AKAP12: variants seen among roughly 807,000 people sequenced by gnomAD.
The protein encoded by AKAP12 is A-kinase anchor protein 12.
In AKAP12, 32 loss-of-function variants were observed where a neutral mutation model predicts 79.9. The observed-to-expected ratio is 0.40, with a 90% CI of 0.30 to 0.54. AKAP12 has a LOEUF of 0.54. Among genes scored for constraint, AKAP12 ranks in the 20% least tolerant of loss-of-function variants. AKAP12 has a pLI of 0.48. For synonymous variants in AKAP12, 808 were observed against 857.0 expected, an observed-to-expected ratio of 0.94 and a Z score of 1.00; for missense variants, 2,074 against 2,177.0, an observed-to-expected ratio of 0.95 and a Z score of 0.94.
rs371740027 is a variant in AKAP12, at chr6:151,348,913, G to A, written c.522G>A (p.Lys174=). ...ESQANDIGFK[K]VFKFVGFKFT... is the part of the protein sequence containing the mutation. ...AGGCTAATGATATTGGATTTAAGAA[G>A]GTGTTTAAGTTTGTTGGCTTTAAAT... Residue 174 remains lysine (K), a synonymous_variant, in exon 4 of 5, where the codon AAG becomes AAA. Coordinates refer to ENST00000402676, the MANE Select transcript of AKAP12 (RefSeq NM_005100.4). The A allele has an allele frequency of 2.1e-5, 34 of 1,613,910 alleles. No individual in the cohort carries two copies. The African/African-American group carries it at 4.4e-4, about 21-fold the overall frequency.
intron 2 of AKAP12, among the ~76,000 whole-genome samples, chr6:151,249,181 AAGTAGACAGT>A (rs1433120995): frequency 1.3e-5 from 2 of 152,300 alleles, no homozygotes; most frequent in Admixed American, 1.3e-4. Context: ...TGTGCTGAAT[AAGTAGACAGT>A]AGCTAAGGGC....
In AKAP12 at chr6:151,255,811, C is replaced by T. The variant is rs988778632; in HGVS notation, c.162+15087C>T. ...CAAAACAAAAAAATTATTTAAAGAG[C>T]AAAAAGCAAGCGCTAATGGACAATT... On this transcript the variant is annotated intron_variant, in intron 2 of 4. Coordinates refer to ENST00000402676, the MANE Select transcript of AKAP12 (RefSeq NM_005100.4). Among the ~76,000 whole-genome samples the T allele has an allele frequency of 2.6e-5, 4 of 152,034 alleles. 1 individual carries two copies. The South Asian group carries it at 8.3e-4, about 32-fold the overall frequency.
At chr6:151,322,002 T>A (rs911071311) in intron 3 of AKAP12, among the ~76,000 whole-genome samples, 16 of 148,114 alleles carry the variant, frequency 1.1e-4, no homozygotes, top group African/African-American at 3.8e-4. Flanking sequence ...TCCACCCCTC[T>A]GGGTTCAAGC....
At chr6:151,314,050 A>G (rs1167474198) in intron 3 of AKAP12, among the ~76,000 whole-genome samples, 2 of 146,750 alleles carry the variant, frequency 1.4e-5, no homozygotes, top group Non-Finnish European at 3.0e-5. Context: ...TTTTTCGGAG[A>G]CAGAGTCTCC....
chr6:151,292,368 C>T (rs1388117600), intron 2 of AKAP12, among the ~76,000 whole-genome samples: 1 of 152,190 alleles, frequency 6.6e-6, no homozygotes, highest in Non-Finnish European at 1.5e-5. Context: ...AATCAGCAAT[C>T]AGTTTAAGCA....
intron 3 of AKAP12, 29 bp from the exon 4 acceptor site, chr6:151,348,682 C>CCCG: frequency 5.0e-6 from 1 of 198,918 alleles, no homozygotes; most frequent in Non-Finnish European, 9.9e-6. Context: ...TTCTCTTCTC[C>CCCG]CCACCCCCCC....
intron 3 of AKAP12, among the ~76,000 whole-genome samples, chr6:151,318,747 G>A (rs565473619): frequency 6.6e-6 from 1 of 152,046 alleles, no homozygotes; most frequent in Non-Finnish European, 1.5e-5. Context: ...ACTAGCCTGG[G>A]CAACACAGCA....
chr6:151,304,638 C>T (rs921888242), intron 2 of AKAP12, among the ~76,000 whole-genome samples: 3 of 150,764 alleles, frequency 2.0e-5, no homozygotes, highest in East Asian at 2.0e-4. Context: ...AATCTCTGCT[C>T]GCTGTAACCT....
chr6:151,348,907 TAAG>T lies in AKAP12; in HGVS notation c.520_522del (p.Lys174del), dbSNP rs1228526337. The T allele has an allele frequency of 1.2e-6, 2 of 1,613,866 alleles. No individual in the cohort carries two copies. Among genetic ancestry groups the T allele is most frequent in the Admixed American group, 3.3e-5 (2 of 59,990 alleles). On this transcript the variant is annotated inframe_deletion, in exon 4 of 5. Coordinates refer to ENST00000402676, the MANE Select transcript of AKAP12 (RefSeq NM_005100.4). ...AGTCCCAGGCTAATGATATTGGATT[TAAG>T]AAGGTGTTTAAGTTTGTTGGCTTTA...
intron 3 of AKAP12, among the ~76,000 whole-genome samples, chr6:151,321,346 C>T (rs555948137): frequency 3.3e-5 from 5 of 152,224 alleles, no homozygotes; most frequent in South Asian, 2.1e-4. Flanking sequence ...CTCCCTCTCC[C>T]GCCAAAACCC....
At chr6:151,335,986 T>C (rs1406145190) in intron 3 of AKAP12, among the ~76,000 whole-genome samples, 1 of 152,210 alleles carries the variant, frequency 6.6e-6, no homozygotes, top group Non-Finnish European at 1.5e-5. Context: ...TGTGTACTCA[T>C]TGGTTAGCTA....
intron 2 of AKAP12, among the ~76,000 whole-genome samples, chr6:151,261,530 C>T (rs1265120831): frequency 6.6e-6 from 1 of 151,456 alleles, no homozygotes; most frequent in Non-Finnish European, 1.5e-5. Context: ...AAAATACAAA[C>T]CCCGTCTTTA....
intron 2 of AKAP12, among the ~76,000 whole-genome samples, chr6:151,297,744 T>G (rs1474719): frequency 0.9 from 137,600 of 152,086 alleles, 62,724 homozygotes; most frequent in East Asian, 1. Context: ...ACCGAGCTGT[T>G]TCTAATTTTG....
chr6:151,328,180 T>G (rs1484785848), intron 3 of AKAP12, among the ~76,000 whole-genome samples: 1 of 149,418 alleles, frequency 6.7e-6, no homozygotes, highest in Non-Finnish European at 1.5e-5. Context: ...ACAAAAAAAT[T>G]AGCCGGGTGT....
chr6:151,269,036 T>C (rs1030052415), intron 2 of AKAP12, among the ~76,000 whole-genome samples: 16 of 145,892 alleles, frequency 1.1e-4, no homozygotes, highest in African/African-American at 4.1e-4. Flanking sequence ...AAATTGGGCT[T>C]AAACCAGGTG....
chr6:151,305,346 C>G (rs1309854524), intron 2 of AKAP12, among the ~76,000 whole-genome samples: 1 of 152,174 alleles, frequency 6.6e-6, no homozygotes, highest in Non-Finnish European at 1.5e-5. Flanking sequence ...CATCTAATCA[C>G]AAGGAAACAT....
intron 2 of AKAP12, among the ~76,000 whole-genome samples, chr6:151,257,594 GC>G (rs1472617055): frequency 1.3e-5 from 2 of 152,196 alleles, no homozygotes; most frequent in Non-Finnish European, 2.9e-5. Flanking sequence ...ACTGCACCCA[GC>G]CTAGCTCCCA....
Position 151,351,056 on chromosome 6 carries a change from G to C in AKAP12, c.2665G>C (p.Val889Leu). The stretch of plus-strand genomic sequence containing the variant: ...GTCCAAGGAGCTCAGCGAGAGTCAG[G>C]TTCATATGATGGCAGCAGCTGTCGC... ...EVSKELSESQVHMMAAAVADG... is the reference protein window; with the variant it reads ...EVSKELSESQLHMMAAAVADG... The change falls in exon 4 of 5, where the codon GTT (valine) becomes CTT (leucine). Residue 889 changes from valine (V) to leucine (L), a missense_variant. Transcript: ENST00000402676. The surrounding 1 kb of genome is among the most constrained non-coding windows in gnomAD (Gnocchi z 4.4). 1 of 1,614,194 alleles carries C rather than the reference G, an allele frequency of 6.2e-7. No individual in the cohort carries two copies. The highest frequency in any genetic ancestry group is 1.6e-4 in the Middle Eastern group (1 of 6,062).
In AKAP12 at chr6:151,345,932, T is replaced by TGAGAGAGAGAGAGAGA. The variant is rs56202215; in HGVS notation, c.320-2762_320-2747dup. ...GTGTGTGTGTGTGTGTGTGTGTGTG[T>TGAGAGAGAGAGAGAGA]GAGAGAGAGAGAGAGAGAGAGAGAG... On this transcript the variant is annotated intron_variant, in intron 3 of 4. Transcript: ENST00000402676. Among the ~76,000 whole-genome samples the TGAGAGAGAGAGAGAGA allele has an allele frequency of 3.4e-3, 349 of 101,398 alleles. 1 individual carries two copies. The highest frequency in any genetic ancestry group is 0.015 in the African/African-American group (336 of 22,952). The allele number at this position is 101,398 out of a possible 152,430, so 66.5% of individuals were successfully genotyped here. A position where few individuals can be genotyped will look rare whatever the true frequency, so the allele number is the denominator to read the frequency against.
Sources: allele counts gnomAD v4.1 joint callset (sites outside exome capture counted in the v4.1 genomes callset), GRCh38; gene constraint gnomAD v4.1.1; non-coding constraint Gnocchi (gnomAD v3.1); transcripts MANE v1.5; gene names NCBI Gene and HGNC (gene_info 2026-07-23, HGNC 2026-07-21).